The following TBC1D5 variants were observed in gnomAD, a reference collection of about 807,000 sequenced individuals.
The protein encoded by TBC1D5 is TBC1 domain family member 5.
A neutral mutation model predicts 100.3 loss-of-function variants in TBC1D5; 75 were observed. The ratio of observed to expected loss-of-function variants is 0.75; its 90% confidence interval spans 0.62 to 0.91. The LOEUF (loss-of-function observed/expected upper bound fraction) is 0.91, where lower values mean the gene tolerates loss of function less well. Ranked by LOEUF, TBC1D5 falls within the 40% of genes least tolerant of loss-of-function variation. The probability of loss-of-function intolerance (pLI) is 0.00; values close to 1 mark genes in which losing one functional copy is unlikely to be tolerated. For synonymous variants in TBC1D5, 323 were observed against 325.6 expected (o/e 0.99, Z 0.09); for missense variants, 910 against 942.4 (o/e 0.97, Z 0.45).
chr3:17,575,899 AT>A (rs1362520774), intron 2 of TBC1D5, among the ~76,000 whole-genome samples: 2 of 152,166 alleles, frequency 1.3e-5, no homozygotes, highest in East Asian at 3.8e-4. Flanking sequence ...ATTGATATAC[AT>A]TTAGAAATTA....
At chr3:17,462,322 AT>A (rs527597868) in intron 3 of TBC1D5, among the ~76,000 whole-genome samples, 1,442 of 132,622 alleles carry the variant, frequency 0.011, 8 homozygotes, top group African/African-American at 0.031. Flanking sequence ...TCGGACCTTA[AT>A]TTTTTTTTTT....
At chr3:17,167,578 T>G (rs1485012535) in intron 20 of TBC1D5, among the ~76,000 whole-genome samples, 171 bp downstream of exon 21, 1 of 152,124 alleles carries the variant, frequency 6.6e-6, no homozygotes, top group African/African-American at 2.4e-5. Context: ...TCAGATATAA[T>G]TGTTAGAAGC....
chr3:17,739,185 C>G (rs2077197965), intron 1 of TBC1D5, among the ~76,000 whole-genome samples: 3 of 152,122 alleles, frequency 2.0e-5, no homozygotes, highest in Non-Finnish European at 4.4e-5. Context: ...ATGATCTACC[C>G]ATGTTGAGAG....
chr3:17,274,744 CTGT>C (rs938653490), intron 15 of TBC1D5, among the ~76,000 whole-genome samples: 6 of 152,258 alleles, frequency 3.9e-5, no homozygotes, highest in African/African-American at 1.2e-4. Flanking sequence ...ATTTTTATTG[CTGT>C]TGTTGTAGAA....
intron 3 of TBC1D5, among the ~76,000 whole-genome samples, chr3:17,475,325 C>T (rs76803019): frequency 0.08 from 12,171 of 152,016 alleles, 1,010 homozygotes; most frequent in African/African-American, 0.22. Context: ...ACATCTCAGA[C>T]GTCACCATAC....
At chr3:17,533,884 T>C (rs1262999067) in intron 2 of TBC1D5, among the ~76,000 whole-genome samples, 1 of 138,892 alleles carries the variant, frequency 7.2e-6, no homozygotes, top group African/African-American at 3.1e-5. Context: ...GACACACCTA[T>C]CATTCAGATA....
intron 2 of TBC1D5, among the ~76,000 whole-genome samples, chr3:17,594,281 T>A (rs764745637): frequency 6.6e-6 from 1 of 152,086 alleles, no homozygotes; most frequent in Non-Finnish European, 1.5e-5. Flanking sequence ...ATACAGGAAA[T>A]CCATTAGGGC....
intron 2 of TBC1D5, among the ~76,000 whole-genome samples, chr3:17,548,430 T>C (rs1037194587): frequency 3.3e-5 from 5 of 152,196 alleles, no homozygotes; most frequent in Non-Finnish European, 7.3e-5. Flanking sequence ...TCCCACAGTG[T>C]TTTTATCTCA....
intron 3 of TBC1D5, among the ~76,000 whole-genome samples, chr3:17,441,469 C>T (rs1215198563): frequency 6.6e-6 from 1 of 152,048 alleles, no homozygotes; most frequent in Non-Finnish European, 1.5e-5. Context: ...ATATCTATGG[C>T]AAAGGGTACA....
chr3:17,502,837 TTCTC>T (rs1285086507), intron 3 of TBC1D5, among the ~76,000 whole-genome samples: 1 of 149,482 alleles, frequency 6.7e-6, no homozygotes, highest in East Asian at 1.9e-4. Context: ...CACTGCAAAC[TTCTC>T]TCTCCTACCA....
intron 17 of TBC1D5, among the ~76,000 whole-genome samples, chr3:17,236,633 G>GC (rs960343876): frequency 1.1e-4 from 17 of 152,072 alleles, no homozygotes; most frequent in Admixed American, 2.6e-4. Flanking sequence ...CTACCGGCAT[G>GC]CACCACCATG....
chr3:17,220,369 C>T (rs1311161166), intron 17 of TBC1D5, among the ~76,000 whole-genome samples: 1 of 152,094 alleles, frequency 6.6e-6, no homozygotes, highest in Non-Finnish European at 1.5e-5. Context: ...AGGAGGACTT[C>T]ACTATGTTAG....
chr3:17,391,851 G>A (rs1385229325), intron 8 of TBC1D5, among the ~76,000 whole-genome samples: 1 of 152,130 alleles, frequency 6.6e-6, no homozygotes, highest in Non-Finnish European at 1.5e-5. Context: ...TAAACTGAGT[G>A]ATCTAGCTAA....
intron 13 of TBC1D5, among the ~76,000 whole-genome samples, chr3:17,342,333 T>C (rs886484863): frequency 5.3e-5 from 8 of 152,222 alleles, no homozygotes; most frequent in African/African-American, 1.9e-4. Flanking sequence ...AACCACTTCC[T>C]GATTATCAAG....
chr3:17,711,621 T>C (rs936961196), intron 1 of TBC1D5, among the ~76,000 whole-genome samples: 1 of 152,238 alleles, frequency 6.6e-6, no homozygotes, highest in Non-Finnish European at 1.5e-5. Context: ...ATACGTATTT[T>C]TCAGTGAAGA....
intron 14 of TBC1D5, among the ~76,000 whole-genome samples, chr3:17,307,789 G>A (rs1270312746): frequency 1.3e-5 from 2 of 152,114 alleles, no homozygotes; most frequent in Admixed American, 6.6e-5. Flanking sequence ...AGGATAAAAT[G>A]ACTCACATCT....
chr3:17,562,611 C>A (rs1339422767), intron 2 of TBC1D5, among the ~76,000 whole-genome samples: 1 of 151,538 alleles, frequency 6.6e-6, no homozygotes, highest in Non-Finnish European at 1.5e-5. Flanking sequence ...GTGCTAAACA[C>A]CAGACAAACC....
At chr3:17,208,447 G>A (rs1191182824) in intron 18 of TBC1D5, among the ~76,000 whole-genome samples, 5 of 152,242 alleles carry the variant, frequency 3.3e-5, no homozygotes, top group Non-Finnish European at 5.9e-5. Context: ...ACAAGGAGGC[G>A]CAATCCGATT....
intron 2 of TBC1D5, among the ~76,000 whole-genome samples, chr3:17,534,642 T>TAG (rs534267589): frequency 4.6e-5 from 7 of 152,068 alleles, no homozygotes; most frequent in Non-Finnish European, 8.8e-5. Context: ...AGAAAGAGAG[T>TAG]AGATGATGTC....
Sources: allele counts gnomAD v4.1 joint callset (sites outside exome capture counted in the v4.1 genomes callset), GRCh38; gene constraint gnomAD v4.1.1; transcripts MANE v1.5; gene names NCBI Gene and HGNC (gene_info 2026-07-23, HGNC 2026-07-21).